The following KIF21A variants were observed in gnomAD, a reference collection of about 807,000 sequenced individuals.
KIF21A encodes kinesin-like protein KIF21A.
In KIF21A, 114 loss-of-function variants were observed where a neutral mutation model predicts 202.9. The ratio of observed to expected loss-of-function variants is 0.56; its 90% CI spans 0.48 to 0.66. KIF21A has a LOEUF of 0.66. Ranked by LOEUF, KIF21A falls within the 30% of genes least tolerant of loss-of-function variation. The pLI, the probability that KIF21A is intolerant of heterozygous loss-of-function variation, is 0.00. For synonymous variants in KIF21A, 667 were observed against 670.8 expected, an observed-to-expected ratio of 0.99 and a Z score of 0.09; for missense variants, 1,677 against 1,994.9, an observed-to-expected ratio of 0.84 and a Z score of 3.04.
chr12:39,354,961 A>G (rs1398677467), intron 10 of KIF21A, among the ~76,000 whole-genome samples: 1 of 152,248 alleles, frequency 6.6e-6, no homozygotes, highest in Non-Finnish European at 1.5e-5. Context: ...ATTGATAAAT[A>G]GAAGCTTAAA....
At chr12:39,338,868 T>C (rs1301631256) in intron 16 of KIF21A, among the ~76,000 whole-genome samples, 1 of 152,074 alleles carries the variant, frequency 6.6e-6, no homozygotes, top group Non-Finnish European at 1.5e-5. Flanking sequence ...GTTGGAAAAA[T>C]AGTGCCAACA....
intron 31 of KIF21A, among the ~76,000 whole-genome samples, chr12:39,314,490 C>T (rs1484193307): frequency 6.6e-5 from 10 of 151,800 alleles, no homozygotes; most frequent in Non-Finnish European, 1.5e-4. Context: ...TAGGTTGCTA[C>T]TGTTAATTCT....
At chr12:39,348,548 A>G (rs527528744) in intron 11 of KIF21A, among the ~76,000 whole-genome samples, 1 of 152,174 alleles carries the variant, frequency 6.6e-6, no homozygotes, top group East Asian at 1.9e-4. Flanking sequence ...CTGGAAAATG[A>G]TCCAGTTACC....
At chr12:39,355,970 G>A (rs77693307) in intron 10 of KIF21A, among the ~76,000 whole-genome samples, 13,033 of 151,778 alleles carry the variant, frequency 0.086, 1,203 homozygotes, top group African/African-American at 0.23. Flanking sequence ...ATACAAGACA[G>A]GGTAACTGTG....
rs751836346 is a variant in KIF21A at position 39,332,237 on chromosome 12, T to C, written c.3028A>G (p.Ile1010Val). 2 of 1,614,018 alleles carry C rather than the reference T, an allele frequency of 1.2e-6. No homozygotes were observed. Among genetic ancestry groups the C allele is most frequent in the South Asian group, 1.1e-5 (1 of 91,086 alleles). Reference sequence around the variant, plus strand: ...ACCTTTGCTTCTTCCATCTGCATTATGTTGGCCTGACAATCAGAAATACTG... The same window carrying C: ...ACCTTTGCTTCTTCCATCTGCATTACGTTGGCCTGACAATCAGAAATACTG... ...NDSISDCQAN[I>V]MQMEEAKEEG... Residue 1010 changes from isoleucine (I) to valine (V), a missense_variant, in exon 21 of 38, where the codon ATA becomes GTA. Physicochemically the swap from Ile to Val is conservative, Grantham distance 29. This residue lies in a region of KIF21A where 705 missense variants were observed against 791.9 expected (regional missense o/e 0.89). Transcript: ENST00000361418.
At chr12:39,359,890 A>G (rs1949073521) in intron 7 of KIF21A, among the ~76,000 whole-genome samples, 1 of 152,228 alleles carries the variant, frequency 6.6e-6, no homozygotes, top group African/African-American at 2.4e-5. Flanking sequence ...CCTGTAATCA[A>G]TGACCTCCTC....
intron 1 of KIF21A, among the ~76,000 whole-genome samples, chr12:39,437,019 G>A (rs915920575): frequency 6.6e-6 from 1 of 152,108 alleles, no homozygotes; most frequent in African/African-American, 2.4e-5. Context: ...GATTTTGACA[G>A]AAAGCAACTA....
Position 39,307,741 on chromosome 12 carries a change from C to G in KIF21A, c.4278-12G>C, listed in dbSNP as rs1190535113. 2 of 1,612,570 alleles carry G rather than the reference C, an allele frequency of 1.2e-6. No individual in the cohort carries two copies. Among genetic ancestry groups the G allele is most frequent in the South Asian group, 1.1e-5 (1 of 90,970 alleles). ...CTTGACCTGAAGACCTTAAGAGATA[C>G]AAACAAAGCAAAAAAGTCACACTTC... On this transcript the variant is annotated splice_polypyrimidine_tract_variant and intron_variant, in intron 33 of 37. Transcript: ENST00000361418.
chr12:39,348,036 A>G (rs1948051563), intron 11 of KIF21A, among the ~76,000 whole-genome samples: 1 of 152,078 alleles, frequency 6.6e-6, no homozygotes, highest in African/African-American at 2.4e-5. Context: ...TTCAATATAG[A>G]GACTTTTGTT....
intron 11 of KIF21A, 79 bp from the exon 12 acceptor site, chr12:39,346,583 G>A (rs1947914173): frequency 5.0e-6 from 5 of 995,034 alleles, no homozygotes; most frequent in South Asian, 5.5e-5. Context: ...AAAGTGATAA[G>A]AAGGTAAAAA....
At chr12:39,412,028 C>T (rs1320576669) in intron 1 of KIF21A, among the ~76,000 whole-genome samples, 2 of 151,488 alleles carry the variant, frequency 1.3e-5, no homozygotes, top group African/African-American at 2.4e-5. Flanking sequence ...TTTGTAGAGA[C>T]GGGGTTTTTA....
chr12:39,371,629 A>G (rs1027059704), intron 1 of KIF21A, among the ~76,000 whole-genome samples: 3 of 152,166 alleles, frequency 2.0e-5, no homozygotes, highest in African/African-American at 7.2e-5. Context: ...GAAGAAAGGC[A>G]AGACAACCAC....
intron 11 of KIF21A, among the ~76,000 whole-genome samples, chr12:39,351,497 G>A (rs1373949727): frequency 6.6e-6 from 1 of 152,000 alleles, no homozygotes; most frequent in Non-Finnish European, 1.5e-5. Context: ...GAATGCAAAA[G>A]CAGCTATTTG....
In KIF21A at chr12:39,442,999, G is replaced by A; in HGVS notation, c.-29C>T. The A allele has an allele frequency of 6.6e-7, 1 of 1,516,624 alleles. No individual in the cohort carries two copies. The highest frequency in any genetic ancestry group is 8.8e-7 in the Non-Finnish European group (1 of 1,139,618). 93.9% of individuals were successfully genotyped at this position (1,516,624 alleles called of 1,614,324 possible). ...GGCGGCGGGCAGCGATCGAGCCGTT[G>A]GGCCTCGGCACCGCAGAGCTGAGGC... On this transcript the variant is annotated 5_prime_UTR_variant, in exon 1 of 38. Coordinates refer to ENST00000361418, the MANE Select transcript of KIF21A (RefSeq NM_001173464.2). This position sits in a 1 kb window ranked among gnomAD's most constrained non-coding sequence, Gnocchi z 5.0.
At chr12:39,328,917 T>C (rs1308901073) in intron 24 of KIF21A, among the ~76,000 whole-genome samples, 1 of 152,210 alleles carries the variant, frequency 6.6e-6, no homozygotes, top group Non-Finnish European at 1.5e-5. Flanking sequence ...TGTGCTCCCA[T>C]AACTCTACAG....
intron 31 of KIF21A, among the ~76,000 whole-genome samples, chr12:39,313,569 C>T (rs532862489): frequency 2.6e-4 from 40 of 151,818 alleles, no homozygotes; most frequent in Non-Finnish European, 3.0e-4. Context: ...TCATACCTAA[C>T]GAGTCAAGGT....
intron 1 of KIF21A, among the ~76,000 whole-genome samples, chr12:39,424,838 A>G (rs1471280606): frequency 6.6e-6 from 1 of 152,144 alleles, no homozygotes; most frequent in Admixed American, 6.5e-5. Flanking sequence ...CCGAGCAACA[A>G]GAGTTATCTT....
chr12:39,341,338 A>G (rs773427999), intron 14 of KIF21A, among the ~76,000 whole-genome samples, 167 bp downstream of exon 14: 1 of 152,160 alleles, frequency 6.6e-6, no homozygotes, highest in Non-Finnish European at 1.5e-5. Flanking sequence ...ATCCAGTAAG[A>G]GAAGTAACTC....
intron 1 of KIF21A, among the ~76,000 whole-genome samples, chr12:39,440,767 T>C (rs1389688687): frequency 2.0e-5 from 3 of 152,226 alleles, no homozygotes; most frequent in Non-Finnish European, 4.4e-5. Context: ...GGCTAATGCC[T>C]GTAATCCCAG....
Sources: gnomAD v4.1 joint callset for allele counts (sites outside exome capture counted in the v4.1 genomes callset) on GRCh38, gnomAD v4.1.1 for gene constraint, gnomAD v4.1.1 regional missense constraint, Gnocchi (gnomAD v3.1) non-coding constraint, MANE v1.5 for transcripts, NCBI Gene and HGNC (gene_info 2026-07-23, HGNC 2026-07-21) for gene names.